Variants in MBNL3 observed in about 807,000 individuals in gnomAD.
MBNL3 encodes muscleblind-like protein 3.
MBNL3 carries 6 observed loss-of-function variants against 24.5 expected under a neutral mutation model. That is an observed-to-expected ratio of 0.25 (90% CI 0.13 to 0.48). MBNL3 has a LOEUF of 0.48. Among genes scored for constraint, MBNL3 ranks in the 20% least tolerant of loss-of-function variants. MBNL3 has a pLI of 0.99. For missense variants in MBNL3, 230 were observed against 293.5 expected (o/e 0.78, Z 1.58); for synonymous variants, 100 against 101.7 (o/e 0.98, Z 0.10).
At chrX:132,489,262 G>C (rs764672955), upstream of MBNL3, among the ~76,000 whole-genome samples, 6 of 112,222 alleles carry the variant, frequency 5.3e-5, no homozygotes, top group African/African-American at 1.9e-4. Flanking sequence ...TTCGGTTCCA[G>C]GGGCCAGAAT....
At chrX:132,453,469 A>G (rs1404698022) in intron 1 of MBNL3, among the ~76,000 whole-genome samples, 2 of 111,734 alleles carry the variant, frequency 1.8e-5, no homozygotes, top group East Asian at 2.8e-4. Context: ...GGCCAACATA[A>G]AAAGGTTGGG....
intron 1 of MBNL3, among the ~76,000 whole-genome samples, chrX:132,487,530 A>G (rs1351368862): frequency 8.9e-6 from 1 of 112,329 alleles, no homozygotes; most frequent in African/African-American, 3.2e-5. Context: ...CTCCCTTTCC[A>G]CACACTTGCT....
chrX:132,398,457 G>A (rs1223751465), intron 3 of MBNL3, among the ~76,000 whole-genome samples: 1 of 111,422 alleles, frequency 9.0e-6, no homozygotes, highest in Non-Finnish European at 1.9e-5. Context: ...ATTCTAGTAG[G>A]AAACAAAGAT....
At chrX:132,438,184 A>G (rs1190603894) in intron 2 of MBNL3, among the ~76,000 whole-genome samples, 1 of 112,327 alleles carries the variant, frequency 8.9e-6, no homozygotes, top group Non-Finnish European at 1.9e-5. Context: ...AAAATATTGT[A>G]TAACATTACC....
At chrX:132,431,311 G>A (rs1000769010) in intron 2 of MBNL3, 3 of 111,716 alleles carry the variant, frequency 2.7e-5, no homozygotes, top group African/African-American at 9.8e-5. Context: ...CTTCTGTAAG[G>A]AGGAGTTGTC....
intron 1 of MBNL3, among the ~76,000 whole-genome samples, chrX:132,440,790 C>T (rs1294873173): frequency 3.6e-5 from 4 of 112,259 alleles, no homozygotes; most frequent in Non-Finnish European, 7.5e-5. Context: ...TGTGAACCAG[C>T]TACAATTTCT....
rs969542932 is a variant in MBNL3, at chrX:132,375,792, A to G, written c.*3874T>C. ...AGTTTCTAATCATTCTGTACCTCAT[A>G]GCCTACCCTACAGACTAAAGGAACT... On this transcript the variant is annotated 3_prime_UTR_variant, in exon 9 of 9. Transcript: ENST00000370853. 1.8e-5 allele frequency: 2 copies of G among 111,368 alleles called. No homozygotes were observed. Among genetic ancestry groups the G allele is most frequent in the Non-Finnish European group, 3.8e-5 (2 of 52,938 alleles). 9.2% of individuals were successfully genotyped at this position (111,368 alleles called of 1,213,427 possible).
At chrX:132,393,438 A>G (rs1033509987) in intron 3 of MBNL3, among the ~76,000 whole-genome samples, 47 of 109,695 alleles carry the variant, frequency 4.3e-4, no homozygotes, top group African/African-American at 1.5e-3. Context: ...AAGATCCTGG[A>G]TTCAAAAAGT....
intron 2 of MBNL3, chrX:132,413,466 C>G: frequency 8.7e-7 from 1 of 1,148,486 alleles, no homozygotes; most frequent in Non-Finnish European, 1.2e-6. Context: ...CCTTGAAAAC[C>G]CATTTTACCT....
At chrX:132,446,906 A>G (rs1438659624) in intron 1 of MBNL3, among the ~76,000 whole-genome samples, 2 of 111,765 alleles carry the variant, frequency 1.8e-5, no homozygotes, top group Non-Finnish European at 3.8e-5. Context: ...TCTTTAATCC[A>G]TCTTGAGTTA....
chrX:132,428,440 G>A (rs1298686809), intron 2 of MBNL3, among the ~76,000 whole-genome samples: 1 of 109,024 alleles, frequency 9.2e-6, no homozygotes, highest in Non-Finnish European at 1.9e-5. Flanking sequence ...ACCCTGGGGT[G>A]AGAATTGAAG....
rs190014661 is a variant in MBNL3 at position 132,465,476 on chromosome X, C to T, written c.-704+23375G>A. ...GGTATTGTGAGCATTCACATTCACA[C>T]AGCACTTGAAAATCCTCATATGATA... On this transcript the variant is annotated intron_variant, in intron 1 of 8. Transcript: ENST00000370853. Among the ~76,000 whole-genome samples, 12 of 112,158 alleles carry T rather than the reference C, an allele frequency of 1.1e-4. No homozygotes were observed. In the East Asian group the frequency reaches 3.1e-3, roughly 29 times the overall value.
At chrX:132,393,475 T>G (rs1450157034) in intron 3 of MBNL3, among the ~76,000 whole-genome samples, 1 of 111,493 alleles carries the variant, frequency 9.0e-6, no homozygotes, top group Non-Finnish European at 1.9e-5. Flanking sequence ...CTTTATTATC[T>G]GTTGCCATAT....
chrX:132,441,103 C>G (rs1239362729), intron 1 of MBNL3, among the ~76,000 whole-genome samples: 2 of 112,226 alleles, frequency 1.8e-5, no homozygotes, highest in African/African-American at 6.5e-5. Flanking sequence ...TTCAAGCAAG[C>G]TTATCTACTC....
chrX:132,434,992 G>C (rs1227246666), intron 2 of MBNL3, among the ~76,000 whole-genome samples: 1 of 111,560 alleles, frequency 9.0e-6, no homozygotes, highest in African/African-American at 3.3e-5. Context: ...AAAGTATACA[G>C]GAGTTTCCTG....
chrX:132,396,793 TATTC>T (rs1309602897), intron 3 of MBNL3, among the ~76,000 whole-genome samples: 1 of 3,117 alleles, frequency 3.2e-4, no homozygotes, highest in Non-Finnish European at 5.2e-4. Context: ...TTCATATATA[TATTC>T]ATATATATTC....
At chrX:132,430,158 C>T (rs1944621319) in intron 2 of MBNL3, 1 of 109,942 alleles carries the variant, frequency 9.1e-6, no homozygotes, top group Non-Finnish European at 1.9e-5. Context: ...TGAAAAGAAA[C>T]AATACCCCAC....
At chrX:132,484,684 C>A (rs1044339464) in intron 1 of MBNL3, among the ~76,000 whole-genome samples, 4 of 111,530 alleles carry the variant, frequency 3.6e-5, no homozygotes, top group Admixed American at 9.5e-5. Flanking sequence ...CATTTCTGTC[C>A]AGGTTGCCTT....
chrX:132,448,973 G>T (rs757829351), intron 1 of MBNL3, among the ~76,000 whole-genome samples: 4 of 112,048 alleles, frequency 3.6e-5, no homozygotes, highest in Non-Finnish European at 7.5e-5. Context: ...TTAATCCTGA[G>T]TTCTCATTTG....
Sources: gnomAD v4.1 joint callset for allele counts (sites outside exome capture counted in the v4.1 genomes callset) on GRCh38, gnomAD v4.1.1 for gene constraint, MANE v1.5 for transcripts, NCBI Gene and HGNC (gene_info 2026-07-23, HGNC 2026-07-21) for gene names.